The following SLC25A33 variants were observed in gnomAD, a reference collection of about 807,000 sequenced individuals.
SLC25A33 encodes the protein bone marrow stromal cell mitochondrial carrier protein.
Under a neutral mutation model 35.5 loss-of-function variants are expected in SLC25A33, and 15 were observed. The ratio of observed to expected loss-of-function variants is 0.42; its 90% CI spans 0.28 to 0.65. The LOEUF (loss-of-function observed/expected upper bound fraction) is 0.65, where lower values mean the gene tolerates loss of function less well. SLC25A33 is among the 30% of genes least tolerant of loss of function. The pLI is 0.20. For missense variants in SLC25A33, 257 were observed against 398.5 expected (o/e 0.64, Z 3.02); for synonymous variants, 136 against 148.7 (o/e 0.91, Z 0.62).
At chr1:9,563,003 C>G (rs1236358362) in intron 2 of SLC25A33, among the ~76,000 whole-genome samples, 3 of 150,320 alleles carry the variant, frequency 2.0e-5, no homozygotes, top group African/African-American at 7.3e-5. Context: ...ACTGCAAGCT[C>G]CACCTCCTGG....
intron 5 of SLC25A33, among the ~76,000 whole-genome samples, chr1:9,574,795 C>T (rs960018737): frequency 1.3e-5 from 2 of 152,152 alleles, no homozygotes; most frequent in Non-Finnish European, 2.9e-5. Flanking sequence ...GGATTAGATA[C>T]CCCACTATGC....
At chr1:9,560,336 G>A (rs1260408622) in intron 2 of SLC25A33, among the ~76,000 whole-genome samples, 5 of 151,782 alleles carry the variant, frequency 3.3e-5, no homozygotes, top group African/African-American at 7.3e-5. Context: ...TGGCCGAGGC[G>A]GGCGGATCAC....
chr1:9,563,140 G>A (rs559461797), intron 2 of SLC25A33, among the ~76,000 whole-genome samples: 5 of 152,018 alleles, frequency 3.3e-5, no homozygotes, highest in South Asian at 2.1e-4. Context: ...TAGCCAGGAC[G>A]GTCTCGATCT....
At chr1:9,571,832 A>T (rs1643594610) in intron 4 of SLC25A33, among the ~76,000 whole-genome samples, 1 of 151,960 alleles carries the variant, frequency 6.6e-6, no homozygotes. Flanking sequence ...GTAGAAATGG[A>T]GTTTAACCAT....
chr1:9,568,840 T>C lies in SLC25A33; in HGVS notation c.315-1418T>C, dbSNP rs558404085. Among the ~76,000 whole-genome samples, 1,029 of 149,178 alleles carry C rather than the reference T, an allele frequency of 6.9e-3. 11 individuals carry two copies. Among genetic ancestry groups the C allele is most frequent in the African/African-American group, 0.024 (986 of 40,504 alleles). On this transcript the variant is annotated intron_variant, in intron 3 of 6. Transcript: ENST00000302692. ...CAGCCTGGGCGACAGAGCGAGACTCTGTCTCAAAAAAAAAAAGAGAAAATG... is the reference window on the plus strand; with the variant it reads ...CAGCCTGGGCGACAGAGCGAGACTCCGTCTCAAAAAAAAAAAGAGAAAATG...
At chr1:9,572,331 GC>G (rs1288131382) in intron 4 of SLC25A33, among the ~76,000 whole-genome samples, 1 of 152,212 alleles carries the variant, frequency 6.6e-6, no homozygotes, top group Non-Finnish European at 1.5e-5. Context: ...ACCAGTGTCA[GC>G]CGGGCTTGGT....
chr1:9,562,347 CAAA>C (rs56748646), intron 2 of SLC25A33, among the ~76,000 whole-genome samples: 6 of 84,158 alleles, frequency 7.1e-5, no homozygotes, highest in Non-Finnish European at 1.3e-4. Flanking sequence ...GACTCCATCT[CAAA>C]AAAAAAAAAA....
At chr1:9,549,003 C>T (rs150354324) in intron 1 of SLC25A33, among the ~76,000 whole-genome samples, 2 of 152,272 alleles carry the variant, frequency 1.3e-5, no homozygotes, top group East Asian at 1.9e-4. Flanking sequence ...CTGTCCCCGG[C>T]CCCTAGTAGG....
At chr1:9,555,407 C>T (rs1273297390) in intron 2 of SLC25A33, among the ~76,000 whole-genome samples, 11 of 151,910 alleles carry the variant, frequency 7.2e-5, no homozygotes, top group South Asian at 4.2e-4. Flanking sequence ...CGTGAGCCAC[C>T]GCACCCAGCC....
intron 1 of SLC25A33, among the ~76,000 whole-genome samples, chr1:9,549,928 ATATATATATTTCTATATATGTATCTT>A (rs1463417712): frequency 1.4e-5 from 2 of 142,038 alleles, no homozygotes; most frequent in Non-Finnish European, 3.0e-5. Context: ...CAACATATAT[ATATATATATTTCTATATATGTATCTT>A]TATATATATA....
rs1315681950 is a variant in SLC25A33, at chr1:9,582,793, T to C, written c.*292T>C. 1 of 373,256 alleles carries C rather than the reference T, an allele frequency of 2.7e-6. No homozygotes were observed. The highest frequency in any genetic ancestry group is 4.9e-6 in the Non-Finnish European group (1 of 204,662). The allele number at this position is 373,256 out of a possible 1,614,324, so 23.1% of individuals were successfully genotyped here. A position where few individuals can be genotyped will look rare whatever the true frequency, so the allele number is the denominator to read the frequency against. ...AGTATACATTTGGCTTGTGTCCTCT[T>C]TTATGCTCACTATACTATGAAGGAC... On this transcript the variant is annotated 3_prime_UTR_variant, in exon 7 of 7. Transcript: ENST00000302692. This position sits in a 1 kb window ranked among gnomAD's most constrained non-coding sequence, Gnocchi z 4.0.
intron 3 of SLC25A33, 131 bp from the exon 4 acceptor site, chr1:9,570,127 C>T (rs1569868649): frequency 1.4e-5 from 10 of 713,226 alleles, no homozygotes; most frequent in African/African-American, 3.6e-5. Context: ...TTAGCACAGG[C>T]GAGGACAAGC....
intron 4 of SLC25A33, among the ~76,000 whole-genome samples, chr1:9,570,603 T>C (rs530981882): frequency 6.6e-6 from 1 of 152,248 alleles, no homozygotes; most frequent in East Asian, 1.9e-4. Context: ...ATGCTACTGG[T>C]ATTTTGTTCT....
At chr1:9,567,438 T>A in intron 3 of SLC25A33, 77 bp downstream of exon 3, 2 of 1,299,126 alleles carry the variant, frequency 1.5e-6, no homozygotes, top group Non-Finnish European at 2.2e-6. Flanking sequence ...AGGGTGATGC[T>A]GCTGAATGAC....
Position 9,578,120 on chromosome 1 carries a change from G to A in SLC25A33, c.483-1834G>A, listed in dbSNP as rs746344382. 1.4e-4 allele frequency among the ~76,000 whole-genome samples: 22 copies of A among 152,072 alleles called. No individual in the cohort carries two copies. The highest frequency in any genetic ancestry group is 4.8e-5 in the African/African-American group (2 of 41,394). ...TTTTTAGTAGAGACGGGGTTTCACC[G>A]TGTTAGCCAGGATGGTCTCGATCTC... On this transcript the variant is annotated intron_variant, in intron 5 of 6. Coordinates refer to ENST00000302692, the MANE Select transcript of SLC25A33 (RefSeq NM_032315.3). The surrounding 1 kb of genome is among the most constrained non-coding windows in gnomAD (Gnocchi z 4.3).
chr1:9,570,156 A>G (rs1297810571), intron 3 of SLC25A33, 102 bp from the exon 4 acceptor site: 1 of 976,196 alleles, frequency 1.0e-6, no homozygotes, highest in African/African-American at 1.6e-5. Flanking sequence ...ACATGGCAGC[A>G]TCTTTCCCAT....
intron 5 of SLC25A33, among the ~76,000 whole-genome samples, chr1:9,575,761 C>A (rs1160966721): frequency 6.6e-6 from 1 of 152,194 alleles, no homozygotes; most frequent in Non-Finnish European, 1.5e-5. Context: ...ATCTATTCTG[C>A]CCAAAAGAGC....
intron 2 of SLC25A33, among the ~76,000 whole-genome samples, chr1:9,559,051 G>A (rs1643383391): frequency 6.6e-6 from 1 of 152,134 alleles, no homozygotes. Flanking sequence ...TCCCACCGCA[G>A]GGTGTTTGCA....
intron 6 of SLC25A33, among the ~76,000 whole-genome samples, chr1:9,581,233 G>A (rs1203577530): frequency 6.6e-6 from 1 of 152,174 alleles, no homozygotes; most frequent in African/African-American, 2.4e-5. Context: ...GTCTGGGAAG[G>A]AGGCCCAGGT....
Sources: gnomAD v4.1 joint callset for allele counts (sites outside exome capture counted in the v4.1 genomes callset) on GRCh38, gnomAD v4.1.1 for gene constraint, Gnocchi (gnomAD v3.1) non-coding constraint, MANE v1.5 for transcripts, NCBI Gene and HGNC (gene_info 2026-07-23, HGNC 2026-07-21) for gene names.